Variants in PAQR5 observed in about 807,000 individuals in gnomAD.
PAQR5 encodes the protein membrane progestin receptor gamma.
In PAQR5, 20 loss-of-function variants were observed where a neutral mutation model predicts 34.5. The ratio of observed to expected loss-of-function variants is 0.58; its 90% CI spans 0.41 to 0.84. The LOEUF is 0.84. Ranked by LOEUF, PAQR5 falls within the 40% of genes least tolerant of loss-of-function variation. The probability of loss-of-function intolerance (pLI) is 0.00; values close to 1 mark genes in which losing one functional copy is unlikely to be tolerated. For missense variants in PAQR5, 378 were observed against 412.7 expected (o/e 0.92, Z 0.73); for synonymous variants, 131 against 155.6 (o/e 0.84, Z 1.18).
intron 1 of PAQR5, among the ~76,000 whole-genome samples, chr15:69,309,694 C>T (rs1350772177): frequency 6.6e-6 from 1 of 152,096 alleles, no homozygotes; most frequent in Non-Finnish European, 1.5e-5. Context: ...GCACTCTGCC[C>T]CTGCGTCTTA....
Position 69,385,001 on chromosome 15 carries a change from C to G in PAQR5, c.385+119C>G. 1.4e-6 allele frequency: 1 copy of G among 702,274 alleles called. No individual in the cohort carries two copies. The highest frequency in any genetic ancestry group is 2.7e-5 in the East Asian group (1 of 36,962). The allele number at this position is 702,274 out of a possible 1,614,324, so 43.5% of individuals were successfully genotyped here. A position where few individuals can be genotyped will look rare whatever the true frequency, so the allele number is the denominator to read the frequency against. The stretch of plus-strand genomic sequence containing the variant: ...TTTGCAGAAGAATCCAGGGATTATG[C>G]CAGTGCCCCTGTCCAGGTTCCCAAT... On this transcript the variant is annotated intron_variant, in intron 5 of 8. Coordinates refer to ENST00000395407, the MANE Select transcript of PAQR5 (RefSeq NM_017705.4). This position sits in a 1 kb window ranked among gnomAD's most constrained non-coding sequence, Gnocchi z 4.7.
At chr15:69,305,383 G>A (rs1438941372) in intron 1 of PAQR5, among the ~76,000 whole-genome samples, 1 of 152,146 alleles carries the variant, frequency 6.6e-6, no homozygotes, top group Non-Finnish European at 1.5e-5. Flanking sequence ...TGTGGACTGG[G>A]TGTGAATGAA....
In PAQR5 at chr15:69,384,821, C is replaced by T; in HGVS notation, c.324C>T (p.Ser108=). 1 of 1,614,130 alleles carries T rather than the reference C, an allele frequency of 6.2e-7. No homozygotes were observed. ...GTGCGCACACCTTCAGCTCTATGTC[C>T]AAGAATGCCCGGCACATTTGCTACT... ...SSCAHTFSSM[S]KNARHICYFL... The change falls in exon 5 of 9, where the codon TCC becomes TCT. Residue 108 remains serine (S), a synonymous_variant. Transcript: ENST00000395407.
At chr15:69,327,603 G>A (rs1372485971) in intron 1 of PAQR5, among the ~76,000 whole-genome samples, 1 of 152,190 alleles carries the variant, frequency 6.6e-6, no homozygotes, top group Non-Finnish European at 1.5e-5. Flanking sequence ...GCCTGCAGGT[G>A]TGTTGGCTCT....
At chr15:69,314,629 G>A (rs2053903598) in intron 1 of PAQR5, 1 of 152,388 alleles carries the variant, frequency 6.6e-6, no homozygotes, top group Admixed American at 6.5e-5. Context: ...AGTCTGAGGA[G>A]GTGAATTCCA....
chr15:69,401,315 TCTC>T (rs2056620440), intron 8 of PAQR5, among the ~76,000 whole-genome samples: 1 of 152,192 alleles, frequency 6.6e-6, no homozygotes, highest in Admixed American at 6.5e-5. Flanking sequence ...TGATTTTCCA[TCTC>T]CTCTCACTAA....
intron 1 of PAQR5, among the ~76,000 whole-genome samples, chr15:69,311,425 G>A (rs573733764): frequency 2.6e-5 from 4 of 152,272 alleles, no homozygotes; most frequent in African/African-American, 9.6e-5. Flanking sequence ...GTGTTCTGAC[G>A]TTTGCTTAGA....
chr15:69,374,375 GT>G (rs2055646408), intron 3 of PAQR5, among the ~76,000 whole-genome samples: 1 of 152,144 alleles, frequency 6.6e-6, no homozygotes, highest in African/African-American at 2.4e-5. Context: ...GAAATGATAG[GT>G]TATAATTGCT....
At chr15:69,399,886 C>T in intron 7 of PAQR5, 88 bp from the exon 8 acceptor site, 1 of 1,398,716 alleles carries the variant, frequency 7.1e-7, no homozygotes, top group Non-Finnish European at 9.8e-7. Flanking sequence ...TCAGAGCCCC[C>T]AAAGTCCCAG....
In PAQR5 at chr15:69,300,841, TTTTCTTTCTTTCTTTCTTTCTTTC is replaced by T. The variant is rs541929828; in HGVS notation, c.-277+1816_-277+1839del. ...TTCCTTCCTTCCTTCCTTTAGTTCGTTTTCTTTCTTTCTTTCTTTCTTTCTTTCTTTCTTTCTTTCTTTCTTTCT... is the reference window on the plus strand; with the variant it reads ...TTCCTTCCTTCCTTCCTTTAGTTCGTTTTCTTTCTTTCTTTCTTTCTTTCT... On this transcript the variant is annotated intron_variant, in intron 1 of 8. Transcript: ENST00000395407. Among the ~76,000 whole-genome samples the T allele has an allele frequency of 7.9e-3, 155 of 19,580 alleles. 41 individuals are homozygous for T. Among genetic ancestry groups the T allele is most frequent in the African/African-American group, 0.025 (140 of 5,652 alleles). The allele number at this position is 19,580 out of a possible 152,430, so 12.8% of individuals were successfully genotyped here. A position where few individuals can be genotyped will look rare whatever the true frequency, so the allele number is the denominator to read the frequency against.
rs555290204 is a variant in PAQR5 at position 69,397,198 on chromosome 15, C to T, written c.513-270C>T. 1.0e-3 allele frequency: 616 copies of T among 613,322 alleles called. 9 individuals are homozygous for T. The highest frequency in any genetic ancestry group is 7.4e-3 in the South Asian group (488 of 65,918). The allele number at this position is 613,322 out of a possible 1,614,324, so 38.0% of individuals were successfully genotyped here. Reference sequence around the variant, plus strand: ...TGGCCCTTGAAGGGTTTCTGCCCAGCGCCTCCTTTCTGGCTTAGTCTGGAC... The same window carrying T: ...TGGCCCTTGAAGGGTTTCTGCCCAGTGCCTCCTTTCTGGCTTAGTCTGGAC... On this transcript the variant is annotated intron_variant, in intron 6 of 8. Transcript: ENST00000395407.
At chr15:69,383,358 T>TCCGTGCTCATGGTGGAGGGTGAGCG (rs1567033379) in intron 4 of PAQR5, among the ~76,000 whole-genome samples, 1 of 17,658 alleles carries the variant, frequency 5.7e-5, no homozygotes, top group Non-Finnish European at 1.5e-4. Context: ...GGAGGGTGAG[T>TCCGTGCTCATGGTGGAGGGTGAGCG]GGGCCTTTGT....
chr15:69,380,848 G>A (rs1004571955), intron 4 of PAQR5, among the ~76,000 whole-genome samples: 2 of 152,196 alleles, frequency 1.3e-5, no homozygotes, highest in Admixed American at 6.5e-5. Flanking sequence ...CAGGGGCGCC[G>A]TGGCACAGGC....
chr15:69,381,285 G>A (rs966790386), intron 4 of PAQR5, among the ~76,000 whole-genome samples: 1 of 152,198 alleles, frequency 6.6e-6, no homozygotes, highest in African/African-American at 2.4e-5. Context: ...AGCTTTTCTG[G>A]GGGACCCAGG....
chr15:69,320,959 C>T (rs561318636), intron 1 of PAQR5, among the ~76,000 whole-genome samples: 85 of 152,248 alleles, frequency 5.6e-4, no homozygotes, highest in South Asian at 1.7e-3. Flanking sequence ...GAATATTTTC[C>T]GCCGACAAGG....
chr15:69,301,973 G>C (rs1485351630), intron 1 of PAQR5, among the ~76,000 whole-genome samples: 1 of 149,656 alleles, frequency 6.7e-6, no homozygotes, highest in Non-Finnish European at 1.5e-5. Flanking sequence ...AGCTCTCAGG[G>C]GTGGTGGGGG....
At chr15:69,348,875 G>A (rs935352246) in intron 2 of PAQR5, among the ~76,000 whole-genome samples, 2 of 152,160 alleles carry the variant, frequency 1.3e-5, no homozygotes, top group African/African-American at 4.8e-5. Flanking sequence ...GTGGGATGGT[G>A]TGAGATTTCA....
chr15:69,323,080 A>G (rs563739578), intron 1 of PAQR5, among the ~76,000 whole-genome samples: 11 of 152,084 alleles, frequency 7.2e-5, no homozygotes, highest in Non-Finnish European at 1.3e-4. Flanking sequence ...GGACTGCGCT[A>G]TTTTCTTGTT....
At chr15:69,340,535 A>G (rs1361779354) in intron 2 of PAQR5, among the ~76,000 whole-genome samples, 1 of 152,168 alleles carries the variant, frequency 6.6e-6, no homozygotes, top group Non-Finnish European at 1.5e-5. Flanking sequence ...CATTTGACCC[A>G]TGCTGCAAGG....
Sources: allele counts gnomAD v4.1 joint callset (sites outside exome capture counted in the v4.1 genomes callset), GRCh38; gene constraint gnomAD v4.1.1; non-coding constraint Gnocchi (gnomAD v3.1); transcripts MANE v1.5; gene names NCBI Gene and HGNC (gene_info 2026-07-23, HGNC 2026-07-21).